PTPN4: variants seen among roughly 807,000 people sequenced by gnomAD.
The protein encoded by PTPN4 is tyrosine-protein phosphatase non-receptor type 4.
Under a neutral mutation model 135.5 loss-of-function variants are expected in PTPN4, and 49 were observed. The ratio of observed to expected loss-of-function variants is 0.36; its 90% CI spans 0.29 to 0.46. PTPN4 has a LOEUF of 0.46. Ranked by LOEUF, PTPN4 falls within the 20% of genes least tolerant of loss-of-function variation. The pLI, the probability that PTPN4 is intolerant of heterozygous loss-of-function variation, is 1.00. For missense variants in PTPN4, 860 were observed against 1,101.0 expected, an observed-to-expected ratio of 0.78 and a Z score of 3.10; for synonymous variants, 333 against 369.9, an observed-to-expected ratio of 0.90 and a Z score of 1.14.
chr2:119,809,801 C>A, intron 1 of PTPN4, 36 bp from the exon 2 acceptor site: 4 of 1,516,594 alleles, frequency 2.6e-6, no homozygotes, highest in Non-Finnish European at 3.5e-6. Flanking sequence ...ATTTTACGAA[C>A]CTTTTATTTA....
At chr2:119,800,638 A>G (rs1691345523) in intron 1 of PTPN4, among the ~76,000 whole-genome samples, 1 of 151,890 alleles carries the variant, frequency 6.6e-6, no homozygotes, top group African/African-American at 2.4e-5. Context: ...AGAACACTTC[A>G]CCATACCTAG....
chr2:119,881,559 G>A (rs965425106), intron 5 of PTPN4, among the ~76,000 whole-genome samples: 6 of 152,138 alleles, frequency 3.9e-5, no homozygotes, highest in South Asian at 2.1e-4. Context: ...GAAGCTAGTG[G>A]AAACAAGACA....
chr2:119,913,076 G>A (rs1157004995), intron 10 of PTPN4, among the ~76,000 whole-genome samples: 1 of 151,868 alleles, frequency 6.6e-6, no homozygotes, highest in Non-Finnish European at 1.5e-5. Flanking sequence ...CCCCTTTATT[G>A]CTGAATAATT....
At chr2:119,882,379 A>G in intron 7 of PTPN4, 124 bp from the exon 8 acceptor site, 1 of 1,099,958 alleles carries the variant, frequency 9.1e-7, no homozygotes, top group South Asian at 1.6e-5. Context: ...TGGCTTGCTT[A>G]AGTGGTTATA....
chr2:119,807,396 T>C (rs1239397652), intron 1 of PTPN4, among the ~76,000 whole-genome samples: 1 of 151,980 alleles, frequency 6.6e-6, no homozygotes, highest in Non-Finnish European at 1.5e-5. Context: ...AAAGGAGATA[T>C]CACCACCCAT....
At chr2:119,957,820 TATAA>T (rs1426424294) in intron 22 of PTPN4, among the ~76,000 whole-genome samples, 1 of 152,172 alleles carries the variant, frequency 6.6e-6, no homozygotes, top group Non-Finnish European at 1.5e-5. Context: ...ATCGTTCATC[TATAA>T]ATACTTTACC....
At chr2:119,909,445 T>C (rs1246761000) in intron 10 of PTPN4, among the ~76,000 whole-genome samples, 1 of 152,188 alleles carries the variant, frequency 6.6e-6, no homozygotes, top group African/African-American at 2.4e-5. Context: ...GTCCTACTGC[T>C]TAGAAAAAGA....
chr2:119,810,284 A>C (rs1691554501), intron 2 of PTPN4, among the ~76,000 whole-genome samples: 1 of 152,170 alleles, frequency 6.6e-6, no homozygotes, highest in Admixed American at 6.5e-5. Flanking sequence ...GCCTGAAAAG[A>C]ATTTGTTCTT....
chr2:119,853,754 C>A (rs1041285030), intron 2 of PTPN4, among the ~76,000 whole-genome samples: 1 of 152,040 alleles, frequency 6.6e-6, no homozygotes, highest in African/African-American at 2.4e-5. Flanking sequence ...CCATTTCTCC[C>A]ATTTCATTAC....
At chr2:119,972,092 T>G (rs1013015009) in intron 26 of PTPN4, among the ~76,000 whole-genome samples, 1 of 152,220 alleles carries the variant, frequency 6.6e-6, no homozygotes, top group Non-Finnish European at 1.5e-5. Context: ...GTAACTCTTT[T>G]TCATTTTCCA....
intron 13 of PTPN4, among the ~76,000 whole-genome samples, chr2:119,928,427 C>G (rs928833437): frequency 6.6e-6 from 1 of 151,946 alleles, no homozygotes; most frequent in African/African-American, 2.4e-5. Context: ...AATAGAAGAG[C>G]CATAAATGGT....
chr2:119,772,077 A>G (rs921833849), intron 1 of PTPN4, among the ~76,000 whole-genome samples: 1 of 152,234 alleles, frequency 6.6e-6, no homozygotes, highest in Non-Finnish European at 1.5e-5. Context: ...ATACTTGTTC[A>G]TGAAAGCAAA....
chr2:119,934,713 C>G lies in PTPN4; in HGVS notation c.1197-87C>G, dbSNP rs1391765597. The G allele has an allele frequency of 3.0e-6, 4 of 1,319,874 alleles. No homozygotes were observed. The African/African-American group carries it at 5.9e-5, about 20-fold the overall frequency. 81.8% of individuals were successfully genotyped at this position (1,319,874 alleles called of 1,614,324 possible). A position where few individuals can be genotyped will look rare whatever the true frequency, so the allele number is the denominator to read the frequency against. On this transcript the variant is annotated intron_variant, in intron 14 of 26. Transcript: ENST00000263708. Reference sequence around the variant, plus strand: ...ATGGCTTGACTTAAAAACACATACCCCCTTTCTGATGTAACCATATATTAA... The same window carrying G: ...ATGGCTTGACTTAAAAACACATACCGCCTTTCTGATGTAACCATATATTAA...
intron 2 of PTPN4, among the ~76,000 whole-genome samples, chr2:119,825,010 T>C (rs1423302816): frequency 1.3e-5 from 2 of 152,198 alleles, no homozygotes; most frequent in African/African-American, 4.8e-5. Context: ...TTTTAAGCCA[T>C]ATTAAAAGAA....
At chr2:119,958,328 TA>T (rs35243850) in intron 22 of PTPN4, among the ~76,000 whole-genome samples, 6,235 of 134,770 alleles carry the variant, frequency 0.046, 457 homozygotes, top group African/African-American at 0.16. Context: ...AAGACCCGTC[TA>T]AAAAAAAAAA....
At chr2:119,897,016 G>T (rs973465138) in intron 9 of PTPN4, among the ~76,000 whole-genome samples, 3 of 152,124 alleles carry the variant, frequency 2.0e-5, no homozygotes, top group Non-Finnish European at 2.9e-5. Context: ...CGCCTCCTGG[G>T]TTCAAGTGAT....
intron 2 of PTPN4, among the ~76,000 whole-genome samples, chr2:119,847,309 C>CAT (rs1421984645): frequency 1.0e-5 from 1 of 97,410 alleles, no homozygotes; most frequent in East Asian, 2.6e-4. Flanking sequence ...CACACACACA[C>CAT]ACACACATAT....
intron 13 of PTPN4, among the ~76,000 whole-genome samples, chr2:119,928,790 C>A (rs1678861140): frequency 6.6e-6 from 1 of 152,032 alleles, no homozygotes; most frequent in Non-Finnish European, 1.5e-5. Context: ...CTTTTATAAA[C>A]AGTGTAGAAC....
intron 20 of PTPN4, 40 bp from the exon 21 acceptor site, chr2:119,956,804 T>A: frequency 6.3e-7 from 1 of 1,578,168 alleles, no homozygotes; most frequent in Non-Finnish European, 8.5e-7. Context: ...AAATTGTTTA[T>A]GGCTTTTGTT....
Sources: allele counts gnomAD v4.1 joint callset (sites outside exome capture counted in the v4.1 genomes callset), GRCh38; gene constraint gnomAD v4.1.1; transcripts MANE v1.5; gene names NCBI Gene and HGNC (gene_info 2026-07-23, HGNC 2026-07-21).